RB1: variants seen among roughly 807,000 people sequenced by gnomAD.
RB1 encodes the protein RB transcriptional corepressor 1, also known as retinoblastoma-associated protein.
Under a neutral mutation model 135.4 loss-of-function variants are expected in RB1, and 18 were observed. The ratio of observed to expected loss-of-function variants is 0.13; its 90% CI spans 0.09 to 0.20. The LOEUF is 0.20. RB1 is among the 10% of genes least tolerant of loss of function. The pLI is 1.00. For missense variants in RB1, 868 were observed against 1,110.0 expected (o/e 0.78, Z 3.10); for synonymous variants, 365 against 373.2 (o/e 0.98, Z 0.25).
Position 48,414,764 on chromosome 13 carries a change from T to G in RB1, c.1695+33321T>G, listed in dbSNP as rs1158026334. 3.3e-5 allele frequency among the ~76,000 whole-genome samples: 5 copies of G among 152,232 alleles called. No individual in the cohort carries two copies. In the East Asian group the frequency reaches 9.6e-4, roughly 29 times the overall value. On this transcript the variant is annotated intron_variant, in intron 17 of 26. Transcript: ENST00000267163. ...ATTTCTACTGTCTGGACTAGAAAAT[T>G]CATCTATTATCAAATGACAAAAAAA...
intron 2 of RB1, among the ~76,000 whole-genome samples, chr13:48,325,198 C>A (rs1159099072): frequency 6.6e-6 from 1 of 152,108 alleles, no homozygotes; most frequent in South Asian, 2.1e-4. Context: ...TTCTCATTAT[C>A]TAGCTCCTAC....
At chr13:48,326,636 G>T (rs1374408452) in intron 2 of RB1, among the ~76,000 whole-genome samples, 1 of 151,980 alleles carries the variant, frequency 6.6e-6, no homozygotes. Flanking sequence ...TTTACCTGGG[G>T]CTTATTCTAA....
At chr13:48,326,859 C>T (rs1331849380) in intron 2 of RB1, among the ~76,000 whole-genome samples, 3 of 150,794 alleles carry the variant, frequency 2.0e-5, no homozygotes, top group Admixed American at 6.6e-5. Flanking sequence ...TTAACTGTCA[C>T]ATTAAAAAAA....
rs1952746874 is a variant in RB1 at position 48,370,373 on chromosome 13, G to C, written c.1127+1769G>C. On this transcript the variant is annotated intron_variant, in intron 11 of 26. Coordinates refer to ENST00000267163, the MANE Select transcript of RB1 (RefSeq NM_000321.3). Reference sequence around the variant, plus strand: ...ATTTACTTCTGACACTGCTTACCTGGAGATAGTGTCAGATCCCACAGGTTG... The same window carrying C: ...ATTTACTTCTGACACTGCTTACCTGCAGATAGTGTCAGATCCCACAGGTTG... Among the ~76,000 whole-genome samples the C allele has an allele frequency of 2.0e-5, 3 of 152,232 alleles. No individual in the cohort carries two copies. In the South Asian group the frequency reaches 6.2e-4, roughly 32 times the overall value.
At chr13:48,329,247 AT>A (rs1952313718) in intron 2 of RB1, among the ~76,000 whole-genome samples, 1 of 152,218 alleles carries the variant, frequency 6.6e-6, no homozygotes. Context: ...TCTAAAAACT[AT>A]TTTTAAAGAC....
chr13:48,432,419 G>T (rs1444096647), intron 17 of RB1, among the ~76,000 whole-genome samples: 7 of 145,792 alleles, frequency 4.8e-5, no homozygotes, highest in East Asian at 2.0e-4. Flanking sequence ...TGCATGTTTT[G>T]TTTTTTTGTT....
At chr13:48,425,871 C>G (rs1453443249) in intron 17 of RB1, among the ~76,000 whole-genome samples, 1 of 152,168 alleles carries the variant, frequency 6.6e-6, no homozygotes, top group African/African-American at 2.4e-5. Flanking sequence ...TTCAATTTTA[C>G]AGACCAAGAA....
At chr13:48,398,926 G>C (rs188520545) in intron 17 of RB1, among the ~76,000 whole-genome samples, 1 of 152,088 alleles carries the variant, frequency 6.6e-6, no homozygotes, top group African/African-American at 2.4e-5. Context: ...TTGTTGACTA[G>C]CTCCTTTGTG....
chr13:48,354,863 A>G (rs887610552), intron 6 of RB1, among the ~76,000 whole-genome samples: 5 of 152,152 alleles, frequency 3.3e-5, no homozygotes, highest in Admixed American at 3.3e-4. Context: ...CTGGATATCC[A>G]TATGCAGAAG....
intron 2 of RB1, among the ~76,000 whole-genome samples, chr13:48,315,042 G>T (rs980768509): frequency 4.0e-5 from 6 of 151,348 alleles, no homozygotes; most frequent in Non-Finnish European, 5.9e-5. Context: ...TTTTAAAATA[G>T]ATTTTTTTTT....
At position 48,480,160 on chromosome 13, in the gene RB1, T is replaced by C. The variant is rs1949529732; in HGVS notation, c.*89T>C. On this transcript the variant is annotated 3_prime_UTR_variant, in exon 27 of 27. Coordinates refer to ENST00000267163, the MANE Select transcript of RB1 (RefSeq NM_000321.3). ...CTGTATAACTTTCCCAGGTTCTGTT[T>C]ATGGCCACATTTAATATCTTCAGCT... 1.9e-6 allele frequency: 2 copies of C among 1,080,368 alleles called. No individual in the cohort carries two copies. Among genetic ancestry groups the C allele is most frequent in the South Asian group, 2.6e-5 (2 of 76,372 alleles). The allele number at this position is 1,080,368 out of a possible 1,614,324, so 66.9% of individuals were successfully genotyped here.
At chr13:48,381,101 C>A in intron 16 of RB1, 146 bp from the exon 17 acceptor site, 1 of 1,117,824 alleles carries the variant, frequency 8.9e-7, no homozygotes. Flanking sequence ...CCTATGAGTC[C>A]GTAGACTCCA....
chr13:48,411,336 C>T, intron 17 of RB1: 1 of 1,413,300 alleles, frequency 7.1e-7, no homozygotes, highest in Non-Finnish European at 1.0e-6. Context: ...AGACACTTTT[C>T]ACAGTTGAAG....
chr13:48,380,361 T>C, intron 16 of RB1, 120 bp downstream of exon 16: 4 of 776,330 alleles, frequency 5.2e-6, no homozygotes, highest in Non-Finnish European at 8.7e-6. Flanking sequence ...TTATTTTAGA[T>C]CACTATATAC....
At chr13:48,474,027 T>C (rs1002578941) in intron 24 of RB1, among the ~76,000 whole-genome samples, 10 of 152,098 alleles carry the variant, frequency 6.6e-5, no homozygotes, top group African/African-American at 2.4e-4. Context: ...AAGATACAAA[T>C]GAACAGCCAG....
chr13:48,380,630 C>T (rs1015315624), intron 16 of RB1, among the ~76,000 whole-genome samples: 2 of 152,156 alleles, frequency 1.3e-5, no homozygotes, highest in African/African-American at 4.8e-5. Flanking sequence ...AGCTAGAATC[C>T]ACTGGATAAA....
intron 17 of RB1, among the ~76,000 whole-genome samples, chr13:48,421,960 G>A (rs1949012565): frequency 6.6e-6 from 1 of 152,106 alleles, no homozygotes; most frequent in South Asian, 2.1e-4. Context: ...ACAGTGTGGC[G>A]ATTCCTCAAG....
At chr13:48,373,574 T>C in intron 12 of RB1, 82 bp downstream of exon 12, 1 of 862,094 alleles carries the variant, frequency 1.2e-6, no homozygotes, top group Admixed American at 1.8e-5. Context: ...TGAGTTCTTT[T>C]TAAAATACTA....
Position 48,472,191 on chromosome 13 carries a change from G to A in RB1, c.2490-1169G>A, listed in dbSNP as rs75052176. ...ATCTCAGAAATTATCAGCCCATATG[G>A]TTGTACCTAATGGGCAAGAAAAGGG... On this transcript the variant is annotated intron_variant, in intron 23 of 26. Transcript: ENST00000267163. Among the ~76,000 whole-genome samples, 578 of 152,198 alleles carry A rather than the reference G, an allele frequency of 3.8e-3. 3 individuals carry two copies. The highest frequency in any genetic ancestry group is 0.013 in the African/African-American group (540 of 41,526).
Sources: allele counts gnomAD v4.1 joint callset (sites outside exome capture counted in the v4.1 genomes callset), GRCh38; gene constraint gnomAD v4.1.1; transcripts MANE v1.5; gene names NCBI Gene and HGNC (gene_info 2026-07-23, HGNC 2026-07-21).